Variants in NEDD4L observed in about 807,000 individuals in gnomAD.
NEDD4L encodes the protein E3 ubiquitin-protein ligase NEDD4-like.
A neutral mutation model predicts 148.9 loss-of-function variants in NEDD4L; 54 were observed. The observed-to-expected ratio is 0.36, with a 90% CI of 0.29 to 0.45. NEDD4L has a LOEUF of 0.45. NEDD4L is among the 20% of genes least tolerant of loss of function. The pLI is 1.00. For synonymous variants in NEDD4L, 433 were observed against 440.7 expected (o/e 0.98, Z 0.22); for missense variants, 856 against 1,233.8 (o/e 0.69, Z 4.59).
At chr18:58,285,825 T>C (rs59144145) in intron 5 of NEDD4L, among the ~76,000 whole-genome samples, 1 of 152,386 alleles carries the variant, frequency 6.6e-6, no homozygotes, top group East Asian at 1.9e-4. Context: ...ATGAACTTTA[T>C]AGCCAGTTGT....
chr18:58,257,458 T>A (rs1481327583), intron 5 of NEDD4L, among the ~76,000 whole-genome samples: 1 of 150,478 alleles, frequency 6.6e-6, no homozygotes, highest in Non-Finnish European at 1.5e-5. Flanking sequence ...TTAAAGCACA[T>A]TGGGTTATGG....
intron 2 of NEDD4L, among the ~76,000 whole-genome samples, chr18:58,195,204 C>T (rs558970945): frequency 6.6e-6 from 1 of 152,306 alleles, no homozygotes; most frequent in African/African-American, 2.4e-5. Context: ...CCTGAGGCTC[C>T]AGGGTCACCT....
In NEDD4L at chr18:58,151,625, A is replaced by ATATGTGTGTGTGTGTG. The variant is rs1555709300; in HGVS notation, c.49-14162_49-14161insATGTGTGTGTGTGTGT. 7.6e-3 allele frequency among the ~76,000 whole-genome samples: 1,071 copies of ATATGTGTGTGTGTGTG among 141,054 alleles called. 15 individuals are homozygous for ATATGTGTGTGTGTGTG. The highest frequency in any genetic ancestry group is 0.027 in the African/African-American group (993 of 37,458). 92.5% of individuals were successfully genotyped at this position (141,054 alleles called of 152,430 possible). On this transcript the variant is annotated intron_variant, in intron 1 of 30. Transcript: ENST00000400345. ...GAAGATGAGGTAGCTGTGCCTGGAT[A>ATATGTGTGTGTGTGTG]TGTGTGTGTGTGTGTGTGTGTGTGT...
intron 1 of NEDD4L, among the ~76,000 whole-genome samples, chr18:58,155,829 TG>T (rs1269212268): frequency 6.6e-6 from 1 of 152,184 alleles, no homozygotes; most frequent in Non-Finnish European, 1.5e-5. Context: ...GGCGTTGCTT[TG>T]GGAGTCTCTA....
At position 58,373,200 on chromosome 18, in the gene NEDD4L, A is replaced by G; in HGVS notation, c.2283A>G (p.Lys761=). 6.4e-7 allele frequency: 1 copy of G among 1,572,196 alleles called. No individual in the cohort carries two copies. The highest frequency in any genetic ancestry group is 8.7e-7 in the Non-Finnish European group (1 of 1,155,552). Reference sequence around the variant, plus strand: ...ATAGTGAATATTACAACTCTTTGAAATGGATCCTGGAGAATGACCCTACTG... The same window carrying G: ...ATAGTGAATATTACAACTCTTTGAAGTGGATCCTGGAGAATGACCCTACTG... The part of the protein sequence containing the change: ...SVDSEYYNSL[K]WILENDPTEL... Residue 761 remains lysine (K), a synonymous_variant, in exon 24 of 31, where the codon AAA becomes AAG. Transcript: ENST00000400345.
chr18:58,075,578 A>T (rs2083114768), intron 1 of NEDD4L, among the ~76,000 whole-genome samples: 1 of 151,948 alleles, frequency 6.6e-6, no homozygotes, highest in African/African-American at 2.4e-5. Flanking sequence ...GCATCCCAAA[A>T]TGCTGGGATT....
At chr18:58,322,773 G>A (rs2058933760) in intron 7 of NEDD4L, among the ~76,000 whole-genome samples, 2 of 137,944 alleles carry the variant, frequency 1.4e-5, no homozygotes, top group Non-Finnish European at 3.1e-5. Context: ...CTTGCGTGCT[G>A]TGGATATGGG....
At chr18:58,188,893 G>C (rs975398860) in intron 2 of NEDD4L, among the ~76,000 whole-genome samples, 3 of 152,184 alleles carry the variant, frequency 2.0e-5, no homozygotes, top group Non-Finnish European at 4.4e-5. Flanking sequence ...CAAGGTAGAA[G>C]CCAGGAGTGG....
intron 2 of NEDD4L, among the ~76,000 whole-genome samples, chr18:58,182,244 C>T (rs973146041): frequency 6.6e-6 from 1 of 151,848 alleles, no homozygotes; most frequent in Non-Finnish European, 1.5e-5. Context: ...GAGGAAAATG[C>T]GGGGCGGGGG....
At position 58,342,998 on chromosome 18, in the gene NEDD4L, A is replaced by G. The variant is rs771324663; in HGVS notation, c.1470A>G (p.Pro490=). Residue 490 remains proline, a synonymous_variant, in exon 16 of 31, where the codon CCA becomes CCG. Coordinates refer to ENST00000400345, the MANE Select transcript of NEDD4L (RefSeq NM_001144967.3). ...CATCACCTTACAACTCCCCCAAACC[A>G]CAACACAAAGTCACACAGAGCTTCT... ...PQPSPYNSPK[P]QHKVTQSFLP... is the part of the protein sequence containing the mutation. 1.2e-6 allele frequency: 2 copies of G among 1,613,814 alleles called. No individual in the cohort carries two copies. Among genetic ancestry groups the G allele is most frequent in the African/African-American group, 1.3e-5 (1 of 74,926 alleles).
At chr18:58,045,114 G>A (rs2081515555) in intron 1 of NEDD4L, 1 of 399,156 alleles carries the variant, frequency 2.5e-6, no homozygotes, top group Non-Finnish European at 4.4e-6. Context: ...TCGCGCGGCT[G>A]GAGACCCGGG....
chr18:58,181,455 A>C lies in NEDD4L; in HGVS notation c.122+15594A>C, dbSNP rs73448495. On this transcript the variant is annotated intron_variant, in intron 2 of 30. Transcript: ENST00000400345. ...TCTATCTACGGATTAATTAATTAGC[A>C]GAGCCTCTCTGTGTCACCAAGACTG... Among the ~76,000 whole-genome samples the C allele has an allele frequency of 5.6e-3, 849 of 152,312 alleles. 9 individuals carry two copies. Among genetic ancestry groups the C allele is most frequent in the African/African-American group, 0.018 (750 of 41,572 alleles).
chr18:58,273,802 G>A (rs141097448), intron 5 of NEDD4L, among the ~76,000 whole-genome samples: 39 of 152,304 alleles, frequency 2.6e-4, no homozygotes, highest in African/African-American at 8.9e-4. Context: ...CAGAACCTTC[G>A]GCGCGGATTT....
chr18:58,240,367 G>T (rs1364000486), intron 2 of NEDD4L, among the ~76,000 whole-genome samples: 1 of 152,148 alleles, frequency 6.6e-6, no homozygotes, highest in East Asian at 1.9e-4. Context: ...CAGGCTCAAT[G>T]CTCGAACTTC....
intron 5 of NEDD4L, among the ~76,000 whole-genome samples, chr18:58,304,126 T>G (rs900178578): frequency 6.6e-6 from 1 of 152,062 alleles, no homozygotes; most frequent in Non-Finnish European, 1.5e-5. Context: ...AAGCCAGAGA[T>G]GCTTCCAAAT....
intron 2 of NEDD4L, among the ~76,000 whole-genome samples, chr18:58,238,024 T>G (rs369652229): frequency 1.1e-3 from 162 of 152,388 alleles, no homozygotes; most frequent in African/African-American, 3.8e-3. Flanking sequence ...TTCGGCAGCT[T>G]CAGAGACTAT....
At chr18:58,285,891 C>G (rs1055678591) in intron 5 of NEDD4L, among the ~76,000 whole-genome samples, 4 of 152,224 alleles carry the variant, frequency 2.6e-5, no homozygotes, top group Non-Finnish European at 5.9e-5. Context: ...ACATGTTCAG[C>G]AAGCTGTTAT....
rs1489632287 is a variant in NEDD4L at position 58,396,303 on chromosome 18, G to T, written c.*34G>T. ...TGCCTCGGGGGTGGTTGTTCTTCAA[G>T]CAAGTTCTGCTTGCACTTTTGCATT... On this transcript the variant is annotated 3_prime_UTR_variant, in exon 31 of 31. Coordinates refer to ENST00000400345, the MANE Select transcript of NEDD4L (RefSeq NM_001144967.3). 2.1e-6 allele frequency: 3 copies of T among 1,436,588 alleles called. No individual in the cohort carries two copies. In the East Asian group the frequency reaches 6.9e-5, roughly 33 times the overall value. 89.0% of individuals were successfully genotyped at this position (1,436,588 alleles called of 1,614,324 possible).
chr18:58,193,170 C>T (rs1003543006), intron 2 of NEDD4L, among the ~76,000 whole-genome samples: 23 of 152,308 alleles, frequency 1.5e-4, no homozygotes, highest in Admixed American at 5.9e-4. Context: ...TGAGAATGTA[C>T]ATCTGATTGG....
Sources: gnomAD v4.1 joint callset for allele counts (sites outside exome capture counted in the v4.1 genomes callset) on GRCh38, gnomAD v4.1.1 for gene constraint, MANE v1.5 for transcripts, NCBI Gene and HGNC (gene_info 2026-07-23, HGNC 2026-07-21) for gene names.